FEZ2: variants seen among roughly 807,000 people sequenced by gnomAD.
The protein encoded by FEZ2 is fasciculation and elongation protein zeta 2, also known as fasciculation and elongation protein zeta-2.
FEZ2 carries 51 observed loss-of-function variants against 40.4 expected under a neutral mutation model. The observed-to-expected ratio is 1.26, with a 90% CI of 1.01 to 1.59. The LOEUF is 1.59. FEZ2 is among the 40% of genes most tolerant of loss of function. The pLI, the probability that FEZ2 is intolerant of heterozygous loss-of-function variation, is 0.00. For missense variants in FEZ2, 640 were observed against 438.3 expected (o/e 1.46, Z -4.11); for synonymous variants, 242 against 172.0 (o/e 1.41, Z -3.18).
rs565294828 is a variant in FEZ2 at position 36,582,677 on chromosome 2, G to A, written c.492+676C>T. On this transcript the variant is annotated intron_variant, in intron 3 of 7. Coordinates refer to ENST00000405912, the MANE Select transcript of FEZ2 (RefSeq NM_005102.3). ...CACAATTTTAATGTAAATTTTTAAT[G>A]TACTCCTCCCAAGCTTGCCATAATG... Among the ~76,000 whole-genome samples the A allele has an allele frequency of 1.3e-3, 200 of 152,258 alleles. 1 individual carries two copies. Among genetic ancestry groups the A allele is most frequent in the Middle Eastern group, 3.4e-3 (1 of 294 alleles).
intron 2 of FEZ2, among the ~76,000 whole-genome samples, chr2:36,587,558 T>C (rs1668936666): frequency 6.6e-6 from 1 of 152,228 alleles, no homozygotes; most frequent in South Asian, 2.1e-4. Context: ...AAGTGTGCCA[T>C]CTTAATCTTC....
chr2:36,564,256 T>C (rs1439225008), intron 5 of FEZ2, among the ~76,000 whole-genome samples: 1 of 152,226 alleles, frequency 6.6e-6, no homozygotes, highest in African/African-American at 2.4e-5. Flanking sequence ...GACAAGCCTA[T>C]GTTCCTGTCT....
At chr2:36,583,212 G>T in intron 3 of FEZ2, 141 bp downstream of exon 3, 1 of 544,672 alleles carries the variant, frequency 1.8e-6, no homozygotes, top group Non-Finnish European at 3.3e-6. Context: ...CTCTGTGGAA[G>T]AGTTAACTAT....
chr2:36,593,436 C>A (rs1669128218), intron 1 of FEZ2, among the ~76,000 whole-genome samples: 3 of 152,070 alleles, frequency 2.0e-5, no homozygotes, highest in African/African-American at 7.2e-5. Context: ...GCCTGGGCAT[C>A]CAGGCATTTC....
Position 36,553,071 on chromosome 2 carries a change from T to A in FEZ2, c.*92A>T. 2 of 1,050,772 alleles carry A rather than the reference T, an allele frequency of 1.9e-6. No homozygotes were observed. The highest frequency in any genetic ancestry group is 2.9e-5 in the South Asian group (2 of 69,664). 65.1% of individuals were successfully genotyped at this position (1,050,772 alleles called of 1,614,324 possible). A position where few individuals can be genotyped will look rare whatever the true frequency, so the allele number is the denominator to read the frequency against. ...CAAACCCAAGTTCAAATGTGCTGAG[T>A]TTCCAATAGCAAGAAGGGTAATGGT... On this transcript the variant is annotated 3_prime_UTR_variant, in exon 8 of 8. Transcript: ENST00000405912.
At chr2:36,571,969 C>G (rs1223598281) in intron 5 of FEZ2, among the ~76,000 whole-genome samples, 2 of 142,262 alleles carry the variant, frequency 1.4e-5, no homozygotes, top group Non-Finnish European at 3.0e-5. Context: ...GAGCCGAGAT[C>G]GCGCCCCTGC....
intron 5 of FEZ2, among the ~76,000 whole-genome samples, chr2:36,564,736 GAAC>G (rs1423387636): frequency 6.6e-6 from 1 of 152,038 alleles, no homozygotes; most frequent in East Asian, 1.9e-4. Context: ...TCTTCTCAGA[GAAC>G]AAAACCAAAA....
intron 5 of FEZ2, among the ~76,000 whole-genome samples, chr2:36,564,546 C>T (rs998346236): frequency 6.6e-5 from 10 of 152,098 alleles, no homozygotes; most frequent in East Asian, 1.9e-4. Flanking sequence ...GTAAATGAAG[C>T]GAATGCTGCA....
chr2:36,566,198 G>A (rs1668233196), intron 5 of FEZ2, among the ~76,000 whole-genome samples: 1 of 152,160 alleles, frequency 6.6e-6, no homozygotes, highest in Admixed American at 6.5e-5. Flanking sequence ...AAATTCGCCA[G>A]GCACGGTGGC....
At chr2:36,555,956 C>T (rs1164252547) in intron 6 of FEZ2, 10 of 667,454 alleles carry the variant, frequency 1.5e-5, no homozygotes, top group African/African-American at 5.4e-5. Flanking sequence ...AATTTATTTT[C>T]GGTAAGAATA....
At chr2:36,577,487 C>A (rs1046075028) in intron 5 of FEZ2, among the ~76,000 whole-genome samples, 1 of 152,198 alleles carries the variant, frequency 6.6e-6, no homozygotes, top group African/African-American at 2.4e-5. Flanking sequence ...CTCCTGACCT[C>A]AGGTGATCAG....
intron 5 of FEZ2, among the ~76,000 whole-genome samples, chr2:36,560,395 C>A (rs563914146): frequency 1.3e-5 from 2 of 152,338 alleles, no homozygotes; most frequent in South Asian, 4.1e-4. Context: ...ATCTGGCCTT[C>A]TTCCCCCAAA....
intron 5 of FEZ2, chr2:36,560,784 C>T: frequency 6.3e-7 from 1 of 1,589,442 alleles, no homozygotes; most frequent in South Asian, 1.1e-5. Context: ...TAACCGAGCA[C>T]CTGTTTCTCT....
chr2:36,555,626 A>G (rs189354513), intron 7 of FEZ2, 57 bp downstream of exon 7: 1 of 907,646 alleles, frequency 1.1e-6, no homozygotes, highest in Non-Finnish European at 1.7e-6. Flanking sequence ...AAGGCGATGT[A>G]TTTACTGACT....
At chr2:36,561,323 T>C (rs1222635420) in intron 5 of FEZ2, 1 of 152,368 alleles carries the variant, frequency 6.6e-6, no homozygotes, top group Non-Finnish European at 1.5e-5. Flanking sequence ...ATTTAGCAAA[T>C]GAAAATGCTG....
chr2:36,561,216 T>C, intron 5 of FEZ2: 1 of 170,216 alleles, frequency 5.9e-6, no homozygotes, highest in African/African-American at 2.4e-5. Context: ...TTTACCTACA[T>C]TTTATCAGAA....
intron 1 of FEZ2, among the ~76,000 whole-genome samples, chr2:36,593,924 G>T (rs1036362383): frequency 6.6e-6 from 1 of 151,124 alleles, no homozygotes; most frequent in Non-Finnish European, 1.5e-5. Flanking sequence ...AACTGAATAC[G>T]TTTAATAGCA....
intron 5 of FEZ2, among the ~76,000 whole-genome samples, chr2:36,573,721 C>A (rs1342516337): frequency 6.6e-6 from 1 of 152,182 alleles, no homozygotes; most frequent in Non-Finnish European, 1.5e-5. Context: ...TGTACCCTCA[C>A]AAATAAATAT....
chr2:36,566,970 T>C (rs1439754810), intron 5 of FEZ2, among the ~76,000 whole-genome samples: 2 of 152,118 alleles, frequency 1.3e-5, no homozygotes, highest in Admixed American at 6.5e-5. Flanking sequence ...TCTCTCTCTC[T>C]CTATAGGACT....
Sources: gnomAD v4.1 joint callset for allele counts (sites outside exome capture counted in the v4.1 genomes callset) on GRCh38, gnomAD v4.1.1 for gene constraint, MANE v1.5 for transcripts, NCBI Gene and HGNC (gene_info 2026-07-23, HGNC 2026-07-21) for gene names.